The following CLIC5 variants were observed in gnomAD, a reference collection of about 807,000 sequenced individuals.
The protein encoded by CLIC5 is CLIC family member 5.
CLIC5 carries 20 observed loss-of-function variants against 24.7 expected under a neutral mutation model. The observed-to-expected ratio is 0.81, with a 90% CI of 0.57 to 1.18. The LOEUF (loss-of-function observed/expected upper bound fraction) is 1.18, where lower values mean the gene tolerates loss of function less well. Among genes scored for constraint, CLIC5 ranks in the 50% most tolerant of loss-of-function variants. CLIC5 has a pLI of 0.00. For missense variants in CLIC5, 341 were observed against 326.1 expected (o/e 1.05, Z -0.35); for synonymous variants, 159 against 135.6 (o/e 1.17, Z -1.20).
chr6:45,977,534 C>T (rs1209667329), intron 1 of CLIC5, among the ~76,000 whole-genome samples: 1 of 152,150 alleles, frequency 6.6e-6, no homozygotes, highest in East Asian at 1.9e-4. Flanking sequence ...CCTCCAATGA[C>T]TTTGCACTAA....
the CLIC5 span, among the ~76,000 whole-genome samples, chr6:46,114,164 T>C: frequency 1.3e-5 from 2 of 152,212 alleles, no homozygotes; most frequent in African/African-American, 4.8e-5. Flanking sequence ...GTTTTTATTA[T>C]GTGGAACCCT....
At chr6:46,007,964 G>A (rs1766650324) in intron 1 of CLIC5, among the ~76,000 whole-genome samples, 1 of 139,482 alleles carries the variant, frequency 7.2e-6, no homozygotes, top group African/African-American at 2.7e-5. Flanking sequence ...TGGGGTACAT[G>A]AGCAATTTTG....
At chr6:46,077,503 A>G (rs1392573334) in intron 1 of CLIC5, among the ~76,000 whole-genome samples, 1 of 151,764 alleles carries the variant, frequency 6.6e-6, no homozygotes, top group Non-Finnish European at 1.5e-5. Flanking sequence ...GAGAGGTCAC[A>G]CTCACACCCT....
intron 1 of CLIC5, among the ~76,000 whole-genome samples, chr6:45,982,956 T>C (rs139200828): frequency 8.7e-4 from 133 of 152,290 alleles, no homozygotes; most frequent in Admixed American, 1.7e-3. Context: ...GGAATAAGCC[T>C]TGGTAAAAGG....
intron 1 of CLIC5, among the ~76,000 whole-genome samples, chr6:45,965,051 G>T (rs1764973198): frequency 6.6e-6 from 1 of 152,156 alleles, no homozygotes; most frequent in South Asian, 2.1e-4. Flanking sequence ...AGAGTCAATA[G>T]ACCTCTCTTT....
At chr6:46,015,335 G>T (rs1766961457) in intron 1 of CLIC5, 145 bp downstream of exon 1, 2 of 718,982 alleles carry the variant, frequency 2.8e-6, no homozygotes, top group South Asian at 7.3e-5. Context: ...GCAGCGGGGC[G>T]CTGGCCTGCG....
At chr6:45,965,277 A>G (rs1306145972) in intron 1 of CLIC5, among the ~76,000 whole-genome samples, 1 of 152,194 alleles carries the variant, frequency 6.6e-6, no homozygotes, top group East Asian at 1.9e-4. Flanking sequence ...AGATACATGC[A>G]TGTCTGTTCT....
intron 1 of CLIC5, among the ~76,000 whole-genome samples, chr6:45,979,866 T>C (rs1016868679): frequency 3.9e-5 from 6 of 152,150 alleles, no homozygotes; most frequent in African/African-American, 1.4e-4. Context: ...TAGTTTCTTT[T>C]GCTATGCAGA....
intron 1 of CLIC5, among the ~76,000 whole-genome samples, chr6:45,979,511 A>G (rs1183013021): frequency 6.6e-6 from 1 of 152,174 alleles, no homozygotes; most frequent in African/African-American, 2.4e-5. Context: ...GGCTCCACCC[A>G]CTCTTCCAGC....
At chr6:45,890,230 A>G (rs866446577) in intron 6 of CLIC5, among the ~76,000 whole-genome samples, 1 of 152,050 alleles carries the variant, frequency 6.6e-6, no homozygotes. Context: ...GAAGCTTTTT[A>G]TTTTGTTGCA....
At chr6:45,986,611 T>C (rs1765746689) in intron 1 of CLIC5, among the ~76,000 whole-genome samples, 1 of 152,142 alleles carries the variant, frequency 6.6e-6, no homozygotes, top group Admixed American at 6.5e-5. Context: ...TTTTCTATAG[T>C]GAGGCTCCAC....
chr6:46,109,720 T>C, the CLIC5 span, among the ~76,000 whole-genome samples: 1 of 152,144 alleles, frequency 6.6e-6, no homozygotes, highest in Non-Finnish European at 1.5e-5. Context: ...GAGCTATTTG[T>C]AGCTTACAAC....
At chr6:46,028,448 C>G (rs79766616) in intron 1 of CLIC5, among the ~76,000 whole-genome samples, 1 of 152,126 alleles carries the variant, frequency 6.6e-6, no homozygotes, top group Admixed American at 6.5e-5. Flanking sequence ...CAGTACTGAC[C>G]CTCTGCATGC....
chr6:45,969,901 G>A (rs1428093332), intron 1 of CLIC5, among the ~76,000 whole-genome samples: 1 of 150,924 alleles, frequency 6.6e-6, no homozygotes, highest in Non-Finnish European at 1.5e-5. Flanking sequence ...AAGGATAGAA[G>A]GGAAGCTGTG....
chr6:46,102,806 TC>T, the CLIC5 span: 11 of 152,260 alleles, frequency 7.2e-5, no homozygotes, highest in East Asian at 1.9e-3. Flanking sequence ...ATATGTAACG[TC>T]CCCTGATTCC....
At chr6:45,921,985 C>T (rs1763281699) in intron 4 of CLIC5, among the ~76,000 whole-genome samples, 1 of 152,186 alleles carries the variant, frequency 6.6e-6, no homozygotes, top group Non-Finnish European at 1.5e-5. Flanking sequence ...GCCTCCGTTT[C>T]TAGGCACTGC....
chr6:45,970,884 C>G (rs1295737900), intron 1 of CLIC5, among the ~76,000 whole-genome samples: 1 of 152,186 alleles, frequency 6.6e-6, no homozygotes, highest in East Asian at 1.9e-4. Context: ...TTCTCTGATT[C>G]TCTTTATGCT....
intron 1 of CLIC5, among the ~76,000 whole-genome samples, chr6:45,968,985 T>C (rs1187104347): frequency 2.0e-5 from 3 of 152,200 alleles, no homozygotes; most frequent in African/African-American, 7.2e-5. Context: ...CTTGTTATTT[T>C]TAAAGTGAAT....
At chr6:46,022,926 C>T (rs757734536) in intron 1 of CLIC5, among the ~76,000 whole-genome samples, 1 of 152,140 alleles carries the variant, frequency 6.6e-6, no homozygotes, top group Non-Finnish European at 1.5e-5. Context: ...GGCTTTTCAA[C>T]TGGAGTGGAA....
Sources: allele counts gnomAD v4.1 joint callset (sites outside exome capture counted in the v4.1 genomes callset), GRCh38; gene constraint gnomAD v4.1.1; transcripts MANE v1.5; gene names NCBI Gene and HGNC (gene_info 2026-07-23, HGNC 2026-07-21).